The following SDK1 variants were observed in gnomAD, a reference collection of about 807,000 sequenced individuals.
SDK1 encodes sidekick cell adhesion molecule 1, also known as protein sidekick-1.
A neutral mutation model predicts 245.5 loss-of-function variants in SDK1; 157 were observed. That is an observed-to-expected ratio of 0.64 (90% confidence interval 0.56 to 0.73). SDK1 has a LOEUF of 0.73. SDK1 is among the 30% of genes least tolerant of loss of function. The pLI, the probability that SDK1 is intolerant of heterozygous loss-of-function variation, is 0.00. For synonymous variants in SDK1, 1,647 were observed against 1,278.5 expected (o/e 1.29, Z -6.15); for missense variants, 3,583 against 3,002.3 (o/e 1.19, Z -4.52).
intron 4 of SDK1, among the ~76,000 whole-genome samples, chr7:3,684,545 C>A (rs1272342310): frequency 6.6e-6 from 1 of 152,202 alleles, no homozygotes; most frequent in Non-Finnish European, 1.5e-5. Context: ...GCATAGGATG[C>A]AAAGGTCTTA....
chr7:3,355,970 C>T (rs760536506), intron 1 of SDK1, among the ~76,000 whole-genome samples: 2 of 152,178 alleles, frequency 1.3e-5, no homozygotes, highest in Admixed American at 6.5e-5. Flanking sequence ...TTGTCCTCCA[C>T]GCTCACCCCA....
intron 5 of SDK1, among the ~76,000 whole-genome samples, chr7:3,894,487 C>G (rs933582043): frequency 3.3e-5 from 5 of 151,990 alleles, no homozygotes; most frequent in African/African-American, 1.2e-4. Flanking sequence ...AGCCTCTAGG[C>G]TTTGCAGGTT....
At chr7:3,792,191 C>G (rs1195714241) in intron 4 of SDK1, among the ~76,000 whole-genome samples, 1 of 152,216 alleles carries the variant, frequency 6.6e-6, no homozygotes, top group South Asian at 2.1e-4. Context: ...CCTCTCATAA[C>G]TGCCTGGCTC....
chr7:3,713,751 C>G (rs1272818897), intron 4 of SDK1, among the ~76,000 whole-genome samples: 3 of 152,188 alleles, frequency 2.0e-5, no homozygotes. Context: ...AAAAGGAAAA[C>G]CATTCAACAA....
intron 13 of SDK1, among the ~76,000 whole-genome samples, chr7:3,983,570 T>G (rs1458799434): frequency 6.6e-6 from 1 of 152,222 alleles, no homozygotes; most frequent in East Asian, 1.9e-4. Flanking sequence ...TAAACAGAAC[T>G]TTTATATGCA....
chr7:3,905,911 A>C (rs184776491), intron 5 of SDK1, among the ~76,000 whole-genome samples: 1 of 152,158 alleles, frequency 6.6e-6, no homozygotes, highest in Non-Finnish European at 1.5e-5. Flanking sequence ...GGTATGAGCC[A>C]CTGTACCTGG....
At chr7:4,022,350 C>A (rs990321527) in intron 17 of SDK1, among the ~76,000 whole-genome samples, 8 of 152,174 alleles carry the variant, frequency 5.3e-5, no homozygotes, top group African/African-American at 1.9e-4. Context: ...CTTGAGGTAT[C>A]CGGGGAAATG....
rs1332979562 is a variant in SDK1 at position 4,196,187 on chromosome 7, G to A, written c.5099-9692G>A. On this transcript the variant is annotated intron_variant, in intron 35 of 44. Coordinates refer to ENST00000404826, the MANE Select transcript of SDK1 (RefSeq NM_152744.4). ...AACCCCTCAAGGCCTCGGCTTGCTT[G>A]GTCCCCTGGTCACTGCAACTGGTGG... 2.0e-5 allele frequency among the ~76,000 whole-genome samples: 3 copies of A among 152,144 alleles called. No individual in the cohort carries two copies. The South Asian group carries it at 6.2e-4, about 31-fold the overall frequency.
rs34276127 is a variant in SDK1, at chr7:3,644,773, C to CAAAAAAAAAA, written c.713+2678_713+2687dup. ...GGGTGACAGAGCAAGACCCTGTCTC[C>CAAAAAAAAAA]AAAAAAAAAAAAAAAAAAACAAAAA... is the stretch of plus-strand genomic sequence containing the variant. On this transcript the variant is annotated intron_variant, in intron 4 of 44. Transcript: ENST00000404826. Among the ~76,000 whole-genome samples the CAAAAAAAAAA allele has an allele frequency of 8.5e-4, 34 of 40,014 alleles. 2 individuals are homozygous for CAAAAAAAAAA. The highest frequency in any genetic ancestry group is 2.2e-3 in the African/African-American group (23 of 10,264). The allele number at this position is 40,014 out of a possible 152,430, so 26.3% of individuals were successfully genotyped here.
intron 14 of SDK1, among the ~76,000 whole-genome samples, chr7:3,998,166 G>A (rs1301512851): frequency 1.3e-5 from 2 of 152,212 alleles, no homozygotes; most frequent in Admixed American, 6.5e-5. Flanking sequence ...CTGCAGCCAC[G>A]GTTTGGGCAT....
At chr7:3,830,054 C>T (rs1005013838) in intron 5 of SDK1, among the ~76,000 whole-genome samples, 1 of 152,188 alleles carries the variant, frequency 6.6e-6, no homozygotes, top group African/African-American at 2.4e-5. Flanking sequence ...TAAAGTAAGA[C>T]ATGATCTGTC....
intron 1 of SDK1, among the ~76,000 whole-genome samples, chr7:3,419,935 C>T (rs1779491271): frequency 6.6e-6 from 1 of 152,106 alleles, no homozygotes; most frequent in Non-Finnish European, 1.5e-5. Context: ...TACGCAAAGC[C>T]GTTAGAGATG....
chr7:4,234,931 G>T (rs974214812), intron 41 of SDK1, among the ~76,000 whole-genome samples: 15 of 152,156 alleles, frequency 9.9e-5, no homozygotes, highest in Non-Finnish European at 4.4e-5. Flanking sequence ...CCTCTTCCTG[G>T]GATTAGGAAG....
At chr7:4,182,873 C>T (rs916216579) in intron 35 of SDK1, among the ~76,000 whole-genome samples, 11 of 152,318 alleles carry the variant, frequency 7.2e-5, no homozygotes, top group South Asian at 2.1e-4. Context: ...ATGTAACCGC[C>T]CAGCAGGCTC....
chr7:3,434,611 C>T (rs1414613169), intron 1 of SDK1, among the ~76,000 whole-genome samples: 1 of 152,160 alleles, frequency 6.6e-6, no homozygotes, highest in Non-Finnish European at 1.5e-5. Context: ...AGTAGCTCAC[C>T]TAAGGTCATT....
chr7:3,641,901 C>G (rs1782661729), intron 3 of SDK1, 57 bp from the exon 4 acceptor site: 9 of 1,466,684 alleles, frequency 6.1e-6, no homozygotes, highest in Non-Finnish European at 8.4e-6. Flanking sequence ...ATCTGTGACC[C>G]CTTCCCTCCC....
At chr7:3,328,663 T>A (rs188078410) in intron 1 of SDK1, among the ~76,000 whole-genome samples, 1 of 152,104 alleles carries the variant, frequency 6.6e-6, no homozygotes, top group African/African-American at 2.4e-5. Flanking sequence ...TAGTATATAT[T>A]TCAAAAATTC....
rs746623038 is a variant in SDK1 at position 3,393,646 on chromosome 7, C to G, written c.298+91762C>G. On this transcript the variant is annotated intron_variant, in intron 1 of 44. Coordinates refer to ENST00000404826, the MANE Select transcript of SDK1 (RefSeq NM_152744.4). ...AAAATGAATGTGATTCTGTTGCATT[C>G]TTCAGTACTTCAGTTACATTTTTCA... 2.0e-5 allele frequency among the ~76,000 whole-genome samples: 3 copies of G among 152,258 alleles called. No individual in the cohort carries two copies. In the South Asian group the frequency reaches 6.2e-4, roughly 32 times the overall value.
At position 3,711,500 on chromosome 7, in the gene SDK1, G is replaced by A. The variant is rs1321722280; in HGVS notation, c.713+69395G>A. On this transcript the variant is annotated intron_variant, in intron 4 of 44. Transcript: ENST00000404826. ...GGTCATGGAGGTGATAGTTTGCTTT[G>A]GTGGGTGATCGGGAAGGCTGCTCTA... 1.3e-5 allele frequency among the ~76,000 whole-genome samples: 2 copies of A among 152,302 alleles called. 1 individual carries two copies. The highest frequency in any genetic ancestry group is 4.1e-4 in the South Asian group (2 of 4,820).
Sources: allele counts gnomAD v4.1 joint callset (sites outside exome capture counted in the v4.1 genomes callset), GRCh38; gene constraint gnomAD v4.1.1; transcripts MANE v1.5; gene names NCBI Gene and HGNC (gene_info 2026-07-23, HGNC 2026-07-21).